Variants in HAT1 observed in about 807,000 individuals in gnomAD.
The protein encoded by HAT1 is histone acetyltransferase type B catalytic subunit.
A neutral mutation model predicts 56.6 loss-of-function variants in HAT1; 20 were observed. The observed-to-expected ratio is 0.35, with a 90% CI of 0.25 to 0.51. The LOEUF (loss-of-function observed/expected upper bound fraction) is 0.51, where lower values mean the gene tolerates loss of function less well. Ranked by LOEUF, HAT1 falls within the 20% of genes least tolerant of loss-of-function variation. The probability of loss-of-function intolerance (pLI) is 0.95; values close to 1 mark genes in which losing one functional copy is unlikely to be tolerated. For synonymous variants in HAT1, 146 were observed against 165.5 expected (o/e 0.88, Z 0.91); for missense variants, 408 against 504.3 (o/e 0.81, Z 1.83).
At chr2:171,966,096 C>CTCTAT (rs1687677404) in intron 6 of HAT1, 188 bp downstream of exon 6, 1 of 598,690 alleles carries the variant, frequency 1.7e-6, no homozygotes, top group Non-Finnish European at 2.9e-6. Flanking sequence ...GAATTAAATG[C>CTCTAT]TGTTGTCCGT....
At chr2:171,937,212 G>A (rs1686893102) in intron 2 of HAT1, among the ~76,000 whole-genome samples, 1 of 152,136 alleles carries the variant, frequency 6.6e-6, no homozygotes, top group Non-Finnish European at 1.5e-5. Flanking sequence ...TTTAAAAATT[G>A]ATTAAAATAA....
intron 9 of HAT1, among the ~76,000 whole-genome samples, 182 bp from the exon 10 acceptor site, chr2:171,979,065 A>AT (rs1558982029): frequency 1.3e-5 from 2 of 152,114 alleles, no homozygotes; most frequent in African/African-American, 2.4e-5. Context: ...TAAATTATCC[A>AT]TACCATAATC....
intron 3 of HAT1, among the ~76,000 whole-genome samples, chr2:171,948,197 A>G (rs1244909052): frequency 6.6e-6 from 1 of 152,124 alleles, no homozygotes; most frequent in Non-Finnish European, 1.5e-5. Flanking sequence ...TAAAAATAAG[A>G]TTAATAACCA....
chr2:171,933,687 T>A (rs958559424), intron 2 of HAT1, among the ~76,000 whole-genome samples: 2 of 152,236 alleles, frequency 1.3e-5, no homozygotes, highest in African/African-American at 4.8e-5. Context: ...GGTTACTTAA[T>A]TTCCAAATAT....
rs775421093 is a variant in HAT1, at chr2:171,949,366, C to G, written c.188+2583C>G. The stretch of plus-strand genomic sequence containing the variant: ...GAGCTGGGACTATAGGCGTGTACCA[C>G]CATACCCAGCTAATTTTTAAAAATT... On this transcript the variant is annotated intron_variant, in intron 3 of 10. Transcript: ENST00000264108. Among the ~76,000 whole-genome samples, 6 of 151,984 alleles carry G rather than the reference C, an allele frequency of 3.9e-5. 1 individual carries two copies. Among genetic ancestry groups the G allele is most frequent in the Non-Finnish European group, 8.8e-5 (6 of 68,008 alleles).
chr2:171,972,108 C>T (rs975909418), intron 8 of HAT1, among the ~76,000 whole-genome samples: 2 of 152,238 alleles, frequency 1.3e-5, no homozygotes, highest in South Asian at 2.1e-4. Context: ...AGGCACTCCT[C>T]CCAGGCCCCC....
intron 2 of HAT1, among the ~76,000 whole-genome samples, chr2:171,937,332 G>T (rs1686895596): frequency 6.6e-6 from 1 of 152,156 alleles, no homozygotes; most frequent in South Asian, 2.1e-4. Context: ...CTAAGAACTA[G>T]GAAGTATATG....
chr2:171,968,861 T>C (rs542462921), intron 8 of HAT1, among the ~76,000 whole-genome samples: 1 of 152,318 alleles, frequency 6.6e-6, no homozygotes, highest in African/African-American at 2.4e-5. Flanking sequence ...TTGCAGGCTC[T>C]GGATCTCCAT....
intron 4 of HAT1, among the ~76,000 whole-genome samples, chr2:171,963,591 A>G (rs1044672617): frequency 6.6e-6 from 1 of 152,238 alleles, no homozygotes; most frequent in Non-Finnish European, 1.5e-5. Context: ...AAACTGATAG[A>G]TTATAAATCC....
intron 4 of HAT1, among the ~76,000 whole-genome samples, chr2:171,960,461 A>G (rs538338185): frequency 6.6e-6 from 1 of 152,326 alleles, no homozygotes; most frequent in Non-Finnish European, 1.5e-5. Flanking sequence ...CATACTGCAT[A>G]GATGGTCAGC....
intron 4 of HAT1, among the ~76,000 whole-genome samples, chr2:171,955,903 G>A (rs1030633931): frequency 2.0e-5 from 3 of 151,938 alleles, no homozygotes; most frequent in East Asian, 2.0e-4. Context: ...AAATTAGCCC[G>A]GCATGGTGGC....
intron 2 of HAT1, among the ~76,000 whole-genome samples, chr2:171,933,178 T>C (rs771890655): frequency 6.6e-6 from 1 of 152,072 alleles, no homozygotes; most frequent in Non-Finnish European, 1.5e-5. Flanking sequence ...CACCTCAGCC[T>C]CCTGAGTAGC....
intron 9 of HAT1, 74 bp from the exon 10 acceptor site, chr2:171,979,172 TA>T (rs1688066474): frequency 1.4e-6 from 1 of 733,260 alleles, no homozygotes; most frequent in Admixed American, 2.3e-5. Flanking sequence ...ATATTAAATA[TA>T]TCCTGTGTTC....
chr2:171,965,980 A>G (rs765791740), intron 6 of HAT1, 72 bp downstream of exon 6: 15 of 1,276,062 alleles, frequency 1.2e-5, no homozygotes, highest in South Asian at 1.3e-5. Flanking sequence ...GTGGCAGCCC[A>G]ATTATTGGGA....
At chr2:171,966,119 T>A (rs984791274) in intron 6 of HAT1, 3 of 591,030 alleles carry the variant, frequency 5.1e-6, no homozygotes, top group African/African-American at 1.9e-5. Context: ...GGGCCCTGAA[T>A]GTAGGCTTAA....
At chr2:171,932,843 TG>T (rs1686779863) in intron 2 of HAT1, among the ~76,000 whole-genome samples, 1 of 152,164 alleles carries the variant, frequency 6.6e-6, no homozygotes, top group African/African-American at 2.4e-5. Flanking sequence ...CACTCCAGTC[TG>T]GGTGACAGAG....
At chr2:171,932,523 A>G (rs1003825572) in intron 2 of HAT1, among the ~76,000 whole-genome samples, 5 of 152,132 alleles carry the variant, frequency 3.3e-5, no homozygotes, top group African/African-American at 1.2e-4. Context: ...TCTCTATTTT[A>G]TCTAACTTTC....
At chr2:171,942,726 T>G (rs570999461) in intron 2 of HAT1, among the ~76,000 whole-genome samples, 3 of 152,204 alleles carry the variant, frequency 2.0e-5, no homozygotes, top group Non-Finnish European at 4.4e-5. Flanking sequence ...TATGTCACAC[T>G]GGTTGAACCT....
chr2:171,983,273 A>G lies in HAT1; in HGVS notation c.1181A>G (p.Gln394Arg). 3.7e-6 allele frequency: 6 copies of G among 1,605,340 alleles called. No homozygotes were observed. The highest frequency in any genetic ancestry group is 5.1e-6 in the Non-Finnish European group (6 of 1,172,758). ...NQMNQIEISMQHEQLEESFQE... is the reference protein window; with the variant it reads ...NQMNQIEISMRHEQLEESFQE... ...ATGAACCAAATAGAAATAAGCATGC[A>G]ACATGAACAGCTGGAAGAGAGTTTT... is the stretch of plus-strand genomic sequence containing the variant. Residue 394 changes from glutamine to arginine, a missense_variant, in exon 11 of 11, where the codon CAA becomes CGA. Gln to Arg is a conservative substitution (Grantham distance 43). Coordinates refer to ENST00000264108, the MANE Select transcript of HAT1 (RefSeq NM_003642.4).
Sources: allele counts gnomAD v4.1 joint callset (sites outside exome capture counted in the v4.1 genomes callset), GRCh38; gene constraint gnomAD v4.1.1; transcripts MANE v1.5; gene names NCBI Gene and HGNC (gene_info 2026-07-23, HGNC 2026-07-21).